Variants in FAM217A observed in about 807,000 individuals in gnomAD.
FAM217A encodes family with sequence similarity 217 member A, also known as protein FAM217A.
FAM217A carries 13 observed loss-of-function variants against 18.5 expected under a neutral mutation model. The observed-to-expected ratio is 0.70, with a 90% CI of 0.46 to 1.12. The LOEUF is 1.12. Among genes scored for constraint, FAM217A ranks in the 50% most tolerant of loss-of-function variants. The probability of loss-of-function intolerance (pLI) is 0.00; values close to 1 mark genes in which losing one functional copy is unlikely to be tolerated. For synonymous variants in FAM217A, 161 were observed against 202.8 expected, an observed-to-expected ratio of 0.79 and a Z score of 1.75; for missense variants, 560 against 575.4, an observed-to-expected ratio of 0.97 and a Z score of 0.27.
Position 4,069,366 on chromosome 6 carries a change from A to G in FAM217A, c.857T>C (p.Leu286Ser), listed in dbSNP as rs368370674. 6.2e-7 allele frequency: 1 copy of G among 1,614,032 alleles called. No homozygotes were observed. The highest frequency in any genetic ancestry group is 1.3e-5 in the African/African-American group (1 of 74,918). ...VDPAETSVEHLITRLLELERL... is the reference protein window; with the variant it reads ...VDPAETSVEHSITRLLELERL... ...TTCTAGTTCCAGTAAACGAGTTATC[A>G]AGTGTTCAACAGAGGTTTCTGCAGG... Residue 286 changes from leucine to serine, a missense_variant, in exon 7 of 7, where the codon TTG becomes TCG. Physicochemically the swap from Leu to Ser is moderately radical, Grantham distance 145 (BLOSUM62 -2). Coordinates refer to ENST00000274673, the MANE Select transcript of FAM217A (RefSeq NM_173563.3).
upstream of FAM217A, chr6:4,079,719 T>C (rs1167705755): frequency 5.4e-6 from 6 of 1,120,204 alleles, no homozygotes; most frequent in South Asian, 8.2e-5. Context: ...TATATACGCA[T>C]TGATACATGT....
intron 1 of FAM217A, among the ~76,000 whole-genome samples, chr6:4,086,719 C>G (rs551099105): frequency 2.0e-5 from 3 of 152,126 alleles, no homozygotes; most frequent in Non-Finnish European, 4.4e-5. Context: ...TTATGGGGAA[C>G]CTGGCTCCTG....
At chr6:4,071,676 GT>G (rs1769424501) in intron 6 of FAM217A, among the ~76,000 whole-genome samples, 1 of 152,060 alleles carries the variant, frequency 6.6e-6, no homozygotes, top group African/African-American at 2.4e-5. Context: ...CCCAGCTGAG[GT>G]TTTTTCTCAT....
At position 4,078,976 on chromosome 6, in the gene FAM217A, G is replaced by T. The variant is rs652493; in HGVS notation, c.-159C>A. On this transcript the variant is annotated 5_prime_UTR_variant, in exon 1 of 7. Coordinates refer to ENST00000274673, the MANE Select transcript of FAM217A (RefSeq NM_173563.3). ...CCCTCTGCCGCGGCCTTCCTGCAGCGGGGGGACAAAGAGGGCGGCGGGCGG... is the reference window on the plus strand; with the variant it reads ...CCCTCTGCCGCGGCCTTCCTGCAGCTGGGGGACAAAGAGGGCGGCGGGCGG... 15,509 of 508,700 alleles carry T rather than the reference G, an allele frequency of 0.03. 903 individuals carry two copies. Among genetic ancestry groups the T allele is most frequent in the Admixed American group, 0.14 (3,489 of 24,912 alleles). The allele number at this position is 508,700 out of a possible 1,614,324, so 31.5% of individuals were successfully genotyped here. A position where few individuals can be genotyped will look rare whatever the true frequency, so the allele number is the denominator to read the frequency against.
rs1183033332 is a variant in FAM217A at position 4,079,065 on chromosome 6, G to C, written c.-248C>G. ...CCTGCGAAGCCCGCGGGCCGGCGCA[G>C]GGGTGGGAGTCGGGCCCGGGGCCCA... On this transcript the variant is annotated 5_prime_UTR_variant, in exon 1 of 7. Transcript: ENST00000274673. 1 of 367,550 alleles carries C rather than the reference G, an allele frequency of 2.7e-6. No individual in the cohort carries two copies. The highest frequency in any genetic ancestry group is 4.1e-5 in the East Asian group (1 of 24,400). 22.8% of individuals were successfully genotyped at this position (367,550 alleles called of 1,614,324 possible).
In FAM217A at chr6:4,078,986, A is replaced by AGAGGGCGGCGGGCGGG. The variant is rs1207000371; in HGVS notation, c.-170_-169insCCCGCCCGCCGCCCTC. The AGAGGGCGGCGGGCGGG allele has an allele frequency of 3.4e-4, 170 of 493,956 alleles. No individual in the cohort carries two copies. Among genetic ancestry groups the AGAGGGCGGCGGGCGGG allele is most frequent in the Non-Finnish European group, 2.8e-4 (79 of 280,528 alleles). The allele number at this position is 493,956 out of a possible 1,614,324, so 30.6% of individuals were successfully genotyped here. A position where few individuals can be genotyped will look rare whatever the true frequency, so the allele number is the denominator to read the frequency against. ...CGGCCTTCCTGCAGCGGGGGGACAA[A>AGAGGGCGGCGGGCGGG]GAGGGCGGCGGGCGGCTGGCGGCCT... is the stretch of plus-strand genomic sequence containing the variant. On this transcript the variant is annotated 5_prime_UTR_variant, in exon 1 of 7. Coordinates refer to ENST00000274673, the MANE Select transcript of FAM217A (RefSeq NM_173563.3).
At position 4,073,471 on chromosome 6, in the gene FAM217A, C is replaced by T; in HGVS notation, c.196G>A (p.Glu66Lys). ...LEIPVEQLML[E>K]PNLSVHSQKS... ...TGACTATGCACCGACAAATTAGGTT[C>T]TAGCATCAGTTGCTCCACTGGAATT... is the stretch of plus-strand genomic sequence containing the variant. The change falls in exon 5 of 7, where the codon GAA becomes AAA. Residue 66 changes from glutamate to lysine, a missense_variant. Glu to Lys is a moderately conservative substitution (Grantham distance 56, BLOSUM62 1). Transcript: ENST00000274673. The T allele has an allele frequency of 6.2e-7, 1 of 1,613,568 alleles. No individual in the cohort carries two copies. Among genetic ancestry groups the T allele is most frequent in the South Asian group, 1.1e-5 (1 of 90,996 alleles).
At chr6:4,081,822 G>A (rs753894083), upstream of FAM217A, among the ~76,000 whole-genome samples, 8 of 152,178 alleles carry the variant, frequency 5.3e-5, no homozygotes, top group African/African-American at 1.7e-4. Flanking sequence ...ACATGCACAC[G>A]TGTGTGTAAA....
At chr6:4,087,084 TGTAA>T, upstream of FAM217A, 1 of 400,128 alleles carries the variant, frequency 2.5e-6, no homozygotes. Flanking sequence ...ACTGCACTGA[TGTAA>T]CCACTCTCTC....
In FAM217A at chr6:4,077,309, C is replaced by T. The variant is rs554000972; in HGVS notation, c.60+46G>A. The T allele has an allele frequency of 9.4e-6, 15 of 1,603,312 alleles. No homozygotes were observed. In the East Asian group the frequency reaches 1.6e-4, roughly 17 times the overall value. On this transcript the variant is annotated intron_variant, in intron 2 of 6. Transcript: ENST00000274673. ...CTCCATGGGAGTTACGTGTTAGCAACAGGAGCCGCTGCCCAAACACTCAAG... is the reference window on the plus strand; with the variant it reads ...CTCCATGGGAGTTACGTGTTAGCAATAGGAGCCGCTGCCCAAACACTCAAG...
upstream of FAM217A, among the ~76,000 whole-genome samples, chr6:4,080,637 T>C (rs578233669): frequency 2.0e-5 from 3 of 152,290 alleles, no homozygotes; most frequent in South Asian, 4.1e-4. Flanking sequence ...AACTGCCTCC[T>C]AATGCCGGAA....
At chr6:4,076,610 A>G (rs1413196739) in intron 2 of FAM217A, among the ~76,000 whole-genome samples, 4 of 151,998 alleles carry the variant, frequency 2.6e-5, no homozygotes, top group African/African-American at 7.3e-5. Context: ...CAGGCATGGT[A>G]GCTCACACCT....
chr6:4,072,355 A>T (rs1235249340), intron 6 of FAM217A, among the ~76,000 whole-genome samples: 2 of 152,042 alleles, frequency 1.3e-5, no homozygotes, highest in Non-Finnish European at 1.5e-5. Context: ...ACACAAAAAA[A>T]GAATTAAAAC....
intron 1 of FAM217A, chr6:4,086,977 A>T: frequency 2.5e-6 from 1 of 398,934 alleles, no homozygotes; most frequent in Non-Finnish European, 4.4e-6. Context: ...AGTTTGGATA[A>T]GAACATAAGG....
chr6:4,077,465 A>C lies in FAM217A; in HGVS notation c.-34-17T>G. The C allele has an allele frequency of 6.3e-7, 1 of 1,585,340 alleles. No individual in the cohort carries two copies. On this transcript the variant is annotated splice_polypyrimidine_tract_variant and intron_variant, in intron 1 of 6. Coordinates refer to ENST00000274673, the MANE Select transcript of FAM217A (RefSeq NM_173563.3). ...CTTAAAATCCTACACAGATTGCGGG[A>C]TAGGCACATTTATGGGTAAGGGTCA...
chr6:4,068,861 A>G lies in FAM217A; in HGVS notation c.1362T>C (p.Asn454=), dbSNP rs1561917892. 1.2e-6 allele frequency: 2 copies of G among 1,613,888 alleles called. No homozygotes were observed. Among genetic ancestry groups the G allele is most frequent in the Non-Finnish European group, 1.7e-6 (2 of 1,180,004 alleles). Reference sequence around the variant, plus strand: ...TCGGTGCCTTAATTTCTTCCTTCTGATTTTCGGGAAAAGTCAGAGGTATAG... The same window carrying G: ...TCGGTGCCTTAATTTCTTCCTTCTGGTTTTCGGGAAAAGTCAGAGGTATAG... The part of the protein sequence containing the change: ...VSPIPLTFPE[N]QKEEIKAPKR... The change falls in exon 7 of 7, where the codon AAT becomes AAC. Residue 454 remains asparagine, a synonymous_variant. Coordinates refer to ENST00000274673, the MANE Select transcript of FAM217A (RefSeq NM_173563.3).
chr6:4,084,620 T>G (rs1770520163), exon 2 of FAM217A: 1 of 702,912 alleles, frequency 1.4e-6, no homozygotes, highest in African/African-American at 1.7e-5. Flanking sequence ...CCCTTTCTGG[T>G]CGTCAGACCC....
At chr6:4,081,042 C>A (rs899950746), upstream of FAM217A, among the ~76,000 whole-genome samples, 2 of 152,178 alleles carry the variant, frequency 1.3e-5, no homozygotes, top group African/African-American at 4.8e-5. Context: ...CAATCACTTT[C>A]TTTTCAACAC....
intron 4 of FAM217A, 33 bp downstream of exon 4, chr6:4,074,410 A>C: frequency 6.5e-7 from 1 of 1,536,732 alleles, no homozygotes; most frequent in East Asian, 2.3e-5. Context: ...CGTATGTTTT[A>C]TGAATACCTT....
Sources: allele counts gnomAD v4.1 joint callset (sites outside exome capture counted in the v4.1 genomes callset), GRCh38; gene constraint gnomAD v4.1.1; transcripts MANE v1.5; gene names NCBI Gene and HGNC (gene_info 2026-07-23, HGNC 2026-07-21).